MYT1L: variants seen among roughly 807,000 people sequenced by gnomAD.
MYT1L encodes the protein myelin transcription factor 1-like protein.
MYT1L carries 12 observed loss-of-function variants against 126.7 expected under a neutral mutation model. The ratio of observed to expected loss-of-function variants is 0.09; its 90% CI spans 0.06 to 0.15. The LOEUF is 0.15. Ranked by LOEUF, MYT1L falls within the 10% of genes least tolerant of loss-of-function variation. The pLI, the probability that MYT1L is intolerant of heterozygous loss-of-function variation, is 1.00. For missense variants in MYT1L, 979 were observed against 1,585.2 expected, an observed-to-expected ratio of 0.62 and a Z score of 6.49; for synonymous variants, 541 against 604.2, an observed-to-expected ratio of 0.90 and a Z score of 1.53.
At chr2:2,117,468 G>A (rs1173485888) in intron 3 of MYT1L, among the ~76,000 whole-genome samples, 2 of 152,094 alleles carry the variant, frequency 1.3e-5, no homozygotes, top group African/African-American at 4.8e-5. Context: ...GCGGACCGCC[G>A]TGTAGGGTCT....
chr2:1,893,095 C>A (rs1015761329), intron 14 of MYT1L, among the ~76,000 whole-genome samples: 1 of 152,182 alleles, frequency 6.6e-6, no homozygotes, highest in Admixed American at 6.5e-5. Flanking sequence ...CTCACTGACA[C>A]GATTCCCACT....
At chr2:1,945,155 A>G (rs1401685957) in intron 8 of MYT1L, among the ~76,000 whole-genome samples, 2 of 152,208 alleles carry the variant, frequency 1.3e-5, no homozygotes, top group Non-Finnish European at 2.9e-5. Flanking sequence ...CAGAGTGGAG[A>G]GTCCGGCGGG....
chr2:1,921,743 CCTTAT>C (rs1319360446), intron 10 of MYT1L, among the ~76,000 whole-genome samples: 1 of 152,106 alleles, frequency 6.6e-6, no homozygotes, highest in African/African-American at 2.4e-5. Flanking sequence ...CAGTCACTGC[CCTTAT>C]CTTATGTTAT....
intron 19 of MYT1L, among the ~76,000 whole-genome samples, chr2:1,844,875 G>A (rs2042284572): frequency 6.6e-6 from 1 of 152,192 alleles, no homozygotes; most frequent in African/African-American, 2.4e-5. Flanking sequence ...GCCCTGGAGG[G>A]AGGGGAGCAA....
chr2:2,295,567 GAGAGAGAGAGAGAGAGACAGACAGAC>G (rs1559583166), intron 1 of MYT1L, among the ~76,000 whole-genome samples: 1 of 16,644 alleles, frequency 6.0e-5, no homozygotes, highest in Non-Finnish European at 1.8e-4. Context: ...CAGACAGACA[GAGAGAGAGAGAGAGAGACAGACAGAC>G]AGAGAGAGAG....
chr2:1,977,579 G>A (rs2060281397), intron 8 of MYT1L, among the ~76,000 whole-genome samples: 1 of 152,170 alleles, frequency 6.6e-6, no homozygotes, highest in South Asian at 2.1e-4. Flanking sequence ...AGGGGATGAA[G>A]ATTCCATCTT....
chr2:2,101,832 G>A (rs144033482), intron 3 of MYT1L, among the ~76,000 whole-genome samples: 125 of 152,330 alleles, frequency 8.2e-4, no homozygotes, highest in African/African-American at 2.9e-3. Context: ...TTCATAAAAT[G>A]TGCTTGAAAT....
intron 8 of MYT1L, among the ~76,000 whole-genome samples, chr2:1,967,136 C>T (rs573226027): frequency 8.4e-4 from 128 of 152,290 alleles, no homozygotes; most frequent in Non-Finnish European, 1.6e-3. Flanking sequence ...ATTTCTAGTC[C>T]TCGCTTTAAT....
chr2:1,934,640 G>T (rs189629174), intron 9 of MYT1L, among the ~76,000 whole-genome samples: 1 of 151,512 alleles, frequency 6.6e-6, no homozygotes, highest in East Asian at 2.0e-4. Flanking sequence ...TGAAACATTC[G>T]AACGAATTAC....
At chr2:2,053,013 T>C (rs2069022763) in intron 4 of MYT1L, among the ~76,000 whole-genome samples, 1 of 152,220 alleles carries the variant, frequency 6.6e-6, no homozygotes, top group Admixed American at 6.5e-5. Flanking sequence ...TAATTCACAG[T>C]AGCTGAAAGG....
At chr2:1,908,342 C>T (rs1232177207) in intron 13 of MYT1L, among the ~76,000 whole-genome samples, 2 of 152,130 alleles carry the variant, frequency 1.3e-5, no homozygotes, top group East Asian at 1.9e-4. Flanking sequence ...TGCTGGCCCC[C>T]GAGAGCAGGG....
intron 3 of MYT1L, among the ~76,000 whole-genome samples, chr2:2,058,823 G>A (rs1032187954): frequency 1.3e-5 from 2 of 152,156 alleles, no homozygotes; most frequent in South Asian, 4.1e-4. Flanking sequence ...TCAGAGATGA[G>A]CCCAGGGATG....
chr2:1,932,083 T>C (rs1220593790), intron 9 of MYT1L, among the ~76,000 whole-genome samples: 1 of 152,124 alleles, frequency 6.6e-6, no homozygotes, highest in Admixed American at 6.6e-5. Flanking sequence ...CCCATGGCCA[T>C]TGATGGTGTG....
chr2:1,802,750 T>A (rs2035070630), intron 22 of MYT1L, among the ~76,000 whole-genome samples: 1 of 152,192 alleles, frequency 6.6e-6, no homozygotes, highest in Non-Finnish European at 1.5e-5. Context: ...GAGAAGGAGA[T>A]TCCTCTCTAT....
intron 8 of MYT1L, among the ~76,000 whole-genome samples, chr2:1,976,872 GTT>G (rs2060227405): frequency 6.6e-6 from 1 of 151,934 alleles, no homozygotes; most frequent in Non-Finnish European, 1.5e-5. Context: ...TTTTTGCACC[GTT>G]TTACATAATA....
chr2:2,069,096 A>C (rs965538770), intron 3 of MYT1L, among the ~76,000 whole-genome samples: 22 of 151,812 alleles, frequency 1.4e-4, no homozygotes, highest in African/African-American at 5.1e-4. Context: ...ATTATACTTT[A>C]AGTTCTGGGG....
chr2:1,985,600 T>C (rs1159109924), intron 5 of MYT1L, among the ~76,000 whole-genome samples: 1 of 152,222 alleles, frequency 6.6e-6, no homozygotes, highest in Non-Finnish European at 1.5e-5. Flanking sequence ...AAACAGAGAA[T>C]GACAACAACA....
chr2:1,959,841 T>C (rs994361353), intron 8 of MYT1L, among the ~76,000 whole-genome samples: 8 of 152,190 alleles, frequency 5.3e-5, no homozygotes, highest in Admixed American at 2.0e-4. Flanking sequence ...AATATTAGGA[T>C]GTAATCAAGA....
At chr2:1,949,777 C>A (rs542056485) in intron 8 of MYT1L, among the ~76,000 whole-genome samples, 4 of 152,264 alleles carry the variant, frequency 2.6e-5, no homozygotes, top group Admixed American at 6.5e-5. Flanking sequence ...GTGGGCCTCT[C>A]CCACCAGAGA....
Sources: allele counts gnomAD v4.1 joint callset (sites outside exome capture counted in the v4.1 genomes callset), GRCh38; gene constraint gnomAD v4.1.1; transcripts MANE v1.5; gene names NCBI Gene and HGNC (gene_info 2026-07-23, HGNC 2026-07-21).